Variants in ENG observed in about 807,000 individuals in gnomAD.
ENG encodes endoglin.
In ENG, 17 loss-of-function variants were observed where a neutral mutation model predicts 71.0. That is an observed-to-expected ratio of 0.24 (90% confidence interval 0.16 to 0.36). ENG has a LOEUF of 0.36. ENG is among the 10% of genes least tolerant of loss of function. The pLI is 1.00. For synonymous variants in ENG, 360 were observed against 366.9 expected (o/e 0.98, Z 0.21); for missense variants, 749 against 868.3 (o/e 0.86, Z 1.73).
chr9:127,828,741 G>C (rs975609859), intron 3 of ENG, among the ~76,000 whole-genome samples: 2 of 152,084 alleles, frequency 1.3e-5, no homozygotes, highest in African/African-American at 4.8e-5. Flanking sequence ...ATGTCTGACT[G>C]TCTCTGTGCT....
At position 127,815,441 on chromosome 9, in the gene ENG, G is replaced by A. The variant is rs1830281924; in HGVS notation, c.*241C>T. 1.5e-6 allele frequency: 1 copy of A among 685,518 alleles called. No homozygotes were observed. Among genetic ancestry groups the A allele is most frequent in the Non-Finnish European group, 2.3e-6 (1 of 430,714 alleles). The allele number at this position is 685,518 out of a possible 1,614,324, so 42.5% of individuals were successfully genotyped here. ...CAGCGTGGCAAGTGGTCTGTCTCCT[G>A]GGCAGCCATATCCCAGACCCACTGG... On this transcript the variant is annotated 3_prime_UTR_variant, in exon 15 of 15. Coordinates refer to ENST00000373203, the MANE Select transcript of ENG (RefSeq NM_001114753.3).
In ENG at chr9:127,846,635, G is replaced by A. The variant is rs1276930746; in HGVS notation, c.68-3390C>T. Among the ~76,000 whole-genome samples, 1 of 152,140 alleles carries A rather than the reference G, an allele frequency of 6.6e-6. No homozygotes were observed. On this transcript the variant is annotated intron_variant, in intron 1 of 14. Coordinates refer to ENST00000373203, the MANE Select transcript of ENG (RefSeq NM_001114753.3). The surrounding 1 kb of genome is among the most constrained non-coding windows in gnomAD (Gnocchi z 5.5). ...TCAGATAAGAGGTCCATTTATTTTG[G>A]GGCCTTTTCGAATCCTGGCCGCCCC...
rs372755378 is a variant in ENG, at chr9:127,825,064, G to T, written c.817-90C>A. The T allele has an allele frequency of 2.1e-5, 33 of 1,584,370 alleles. No individual in the cohort carries two copies. The African/African-American group carries it at 3.9e-4, about 19-fold the overall frequency. On this transcript the variant is annotated intron_variant, in intron 6 of 14. Coordinates refer to ENST00000373203, the MANE Select transcript of ENG (RefSeq NM_001114753.3). ...CAGGGTTATGCCAGGCCTCGGTCCTGCTGTGTCCCCACTCCTGCTGCGTCT... is the reference window on the plus strand; with the variant it reads ...CAGGGTTATGCCAGGCCTCGGTCCTTCTGTGTCCCCACTCCTGCTGCGTCT...
chr9:127,815,430 G>T lies in ENG; in HGVS notation c.*252C>A, dbSNP rs886063474. 9 of 612,652 alleles carry T rather than the reference G, an allele frequency of 1.5e-5. No homozygotes were observed. Among genetic ancestry groups the T allele is most frequent in the Non-Finnish European group, 2.4e-5 (9 of 371,796 alleles). 38.0% of individuals were successfully genotyped at this position (612,652 alleles called of 1,614,324 possible). On this transcript the variant is annotated 3_prime_UTR_variant, in exon 15 of 15. Coordinates refer to ENST00000373203, the MANE Select transcript of ENG (RefSeq NM_001114753.3). Reference sequence around the variant, plus strand: ...GGTTTTTACAACAGCGTGGCAAGTGGTCTGTCTCCTGGGCAGCCATATCCC... The same window carrying T: ...GGTTTTTACAACAGCGTGGCAAGTGTTCTGTCTCCTGGGCAGCCATATCCC...
intron 8 of ENG, chr9:127,821,327 A>G (rs772426360): frequency 6.6e-6 from 1 of 152,156 alleles, no homozygotes; most frequent in Non-Finnish European, 1.5e-5. Flanking sequence ...GCTACTGGGA[A>G]GGCTGAGGCA....
Position 127,818,812 on chromosome 9 carries a change from G to A in ENG, c.1332C>T (p.Asn444=), listed in dbSNP as rs1380244824. 6 of 1,614,090 alleles carry A rather than the reference G, an allele frequency of 3.7e-6. No homozygotes were observed. The South Asian group carries it at 6.6e-5, about 18-fold the overall frequency. The change falls in exon 11 of 15, where the codon AAC becomes AAT. Residue 444 remains asparagine, a synonymous_variant. Transcript: ENST00000373203. ...SPQRKKVHCL[N]MDSLSFQLGL... Reference sequence around the variant, plus strand: ...CCAGCTGGAAAGAGAGGCTGTCCATGTTGAGGCAGTGCACCTTTTTCTGGG... The same window carrying A: ...CCAGCTGGAAAGAGAGGCTGTCCATATTGAGGCAGTGCACCTTTTTCTGGG...
intron 2 of ENG, among the ~76,000 whole-genome samples, chr9:127,839,101 C>T (rs1830969761): frequency 1.3e-5 from 2 of 152,294 alleles, no homozygotes; most frequent in East Asian, 3.9e-4. Flanking sequence ...CTACCCTGCT[C>T]TTGGGCTAGA....
In ENG at chr9:127,829,705, G is replaced by A. The variant is rs1830713052; in HGVS notation, c.342C>T (p.Ile114=). ...SVFLHLQALG[I]PLHLAYNSSL... ...CACTCACGTAGGCCAAGTGCAGTGG[G>A]ATTCCCAGGGCCTGGAGATGCAGGA... The change falls in exon 3 of 15, where the codon ATC becomes ATT. Residue 114 remains isoleucine, a synonymous_variant. Coordinates refer to ENST00000373203, the MANE Select transcript of ENG (RefSeq NM_001114753.3). 6 of 1,613,998 alleles carry A rather than the reference G, an allele frequency of 3.7e-6. No homozygotes were observed. In the Admixed American group the frequency reaches 5.0e-5, roughly 13 times the overall value.
chr9:127,828,561 G>C (rs531243526), intron 3 of ENG, among the ~76,000 whole-genome samples: 8 of 152,300 alleles, frequency 5.3e-5, no homozygotes, highest in African/African-American at 9.6e-5. Flanking sequence ...TGGGCTGCAC[G>C]GACTCAGATC....
chr9:127,826,039 T>C (rs1017013502), intron 4 of ENG, among the ~76,000 whole-genome samples, 179 bp from the exon 5 acceptor site: 12 of 152,166 alleles, frequency 7.9e-5, no homozygotes, highest in African/African-American at 2.4e-4. Context: ...CAAGTGACCC[T>C]GTGCAAGTCC....
At chr9:127,833,549 CAG>C (rs1390985817) in intron 2 of ENG, among the ~76,000 whole-genome samples, 1 of 136,340 alleles carries the variant, frequency 7.3e-6, no homozygotes, top group East Asian at 2.1e-4. Context: ...AAAAAAAAGA[CAG>C]GTAAATGCCT....
chr9:127,816,913 T>A (rs1830333682), intron 13 of ENG: 10 of 593,840 alleles, frequency 1.7e-5, no homozygotes, highest in Non-Finnish European at 3.0e-5. Context: ...AGGCCTAGAC[T>A]CCCACCCCAC....
In ENG at chr9:127,816,070, C is replaced by A; in HGVS notation, c.1742-17G>T. 1.2e-6 allele frequency: 2 copies of A among 1,605,382 alleles called. No individual in the cohort carries two copies. Among genetic ancestry groups the A allele is most frequent in the Non-Finnish European group, 1.7e-6 (2 of 1,177,454 alleles). Reference sequence around the variant, plus strand: ...TTGTGCAACCTAGAGAGGGCCGACGCCATCAGCACTGCCACTCTGCCCCTG... The same window carrying A: ...TTGTGCAACCTAGAGAGGGCCGACGACATCAGCACTGCCACTCTGCCCCTG... On this transcript the variant is annotated splice_polypyrimidine_tract_variant and intron_variant, in intron 13 of 14. Coordinates refer to ENST00000373203, the MANE Select transcript of ENG (RefSeq NM_001114753.3).
At chr9:127,831,914 CTTTG>C (rs543086569) in intron 2 of ENG, among the ~76,000 whole-genome samples, 24 of 150,218 alleles carry the variant, frequency 1.6e-4, no homozygotes, top group Admixed American at 1.2e-3. Context: ...GCTGGCTTTT[CTTTG>C]TTTGTTTTTT....
At chr9:127,824,512 CTT>C (rs71380096) in intron 7 of ENG, 66 bp from the exon 8 acceptor site, 44,149 of 661,240 alleles carry the variant, frequency 0.067, 1 homozygote, top group Middle Eastern at 0.078. Flanking sequence ...CCGCACCAGG[CTT>C]TTTTTTTTTT....
rs964974083 is a variant in ENG at position 127,851,887 on chromosome 9, A to T, written c.67+2402T>A. On this transcript the variant is annotated intron_variant, in intron 1 of 14. Transcript: ENST00000373203. ...GAGCAAGACTGTCTCAAAAAAATTT[A>T]AAAAAGAAAGTGAAAGTCCCACAGA... 4.6e-5 allele frequency among the ~76,000 whole-genome samples: 7 copies of T among 152,288 alleles called. No homozygotes were observed. The South Asian group carries it at 1.0e-3, about 23-fold the overall frequency.
intron 10 of ENG, chr9:127,819,251 T>A (rs936707166): frequency 5.2e-5 from 16 of 306,686 alleles, no homozygotes; most frequent in African/African-American, 1.8e-4. Flanking sequence ...TTTTTTTTTT[T>A]AAACTAATAT....
intron 1 of ENG, among the ~76,000 whole-genome samples, chr9:127,851,386 A>AT (rs1239069541): frequency 4.0e-5 from 6 of 151,494 alleles, no homozygotes; most frequent in Admixed American, 3.9e-4. Flanking sequence ...CGCCTGGCTA[A>AT]TTTTTGTATT....
intron 2 of ENG, among the ~76,000 whole-genome samples, chr9:127,841,476 A>T (rs1258678773): frequency 2.0e-5 from 3 of 151,860 alleles, no homozygotes; most frequent in African/African-American, 7.3e-5. Context: ...TATTTTGAAT[A>T]TCATTACCAA....
Sources: allele counts gnomAD v4.1 joint callset (sites outside exome capture counted in the v4.1 genomes callset), GRCh38; gene constraint gnomAD v4.1.1; non-coding constraint Gnocchi (gnomAD v3.1); transcripts MANE v1.5; gene names NCBI Gene and HGNC (gene_info 2026-07-23, HGNC 2026-07-21).